WWOX: variants seen among roughly 807,000 people sequenced by gnomAD.
WWOX encodes the protein WW domain-containing oxidoreductase.
WWOX carries 69 observed loss-of-function variants against 46.2 expected under a neutral mutation model. The observed-to-expected ratio is 1.49, with a 90% confidence interval of 1.23 to 1.82. The LOEUF (loss-of-function observed/expected upper bound fraction) is 1.82, where lower values mean the gene tolerates loss of function less well. Ranked by LOEUF, WWOX falls within the 40% of genes most tolerant of loss-of-function variation. The pLI is 0.00. For synonymous variants in WWOX, 359 were observed against 202.6 expected (o/e 1.77, Z -6.56); for missense variants, 919 against 542.6 (o/e 1.69, Z -6.89).
chr16:78,612,469 G>A (rs2045924565), intron 8 of WWOX, among the ~76,000 whole-genome samples: 1 of 152,198 alleles, frequency 6.6e-6, no homozygotes, highest in African/African-American at 2.4e-5. Context: ...GGCACATGAT[G>A]TAGGTTTTTG....
intron 8 of WWOX, among the ~76,000 whole-genome samples, chr16:78,591,262 C>A (rs760588414): frequency 3.3e-5 from 5 of 152,136 alleles, no homozygotes; most frequent in African/African-American, 1.2e-4. Flanking sequence ...AACAAGGGAA[C>A]CTTTCCCCAA....
At chr16:78,969,966 T>G (rs1012176217) in intron 8 of WWOX, among the ~76,000 whole-genome samples, 2 of 152,174 alleles carry the variant, frequency 1.3e-5, no homozygotes, top group South Asian at 2.1e-4. Flanking sequence ...GTACTAAAAC[T>G]TTGAACACTT....
intron 8 of WWOX, among the ~76,000 whole-genome samples, chr16:78,850,674 C>G (rs189092590): frequency 1.1e-3 from 167 of 152,260 alleles, no homozygotes; most frequent in African/African-American, 3.8e-3. Flanking sequence ...GAGCCTCATC[C>G]AGGACCTACT....
chr16:78,726,699 T>G (rs1304292323), intron 8 of WWOX, among the ~76,000 whole-genome samples: 1 of 139,952 alleles, frequency 7.1e-6, no homozygotes, highest in East Asian at 2.0e-4. Context: ...GGTTAGTTGG[T>G]TGGTTGGTTT....
chr16:79,095,542 G>C (rs1288117497), intron 8 of WWOX, among the ~76,000 whole-genome samples: 1 of 152,144 alleles, frequency 6.6e-6, no homozygotes, highest in Non-Finnish European at 1.5e-5. Flanking sequence ...TGCAGGGTGA[G>C]GCGCGGGGGA....
chr16:79,180,520 C>G (rs558238017), intron 8 of WWOX, among the ~76,000 whole-genome samples: 3 of 152,122 alleles, frequency 2.0e-5, no homozygotes, highest in Non-Finnish European at 4.4e-5. Flanking sequence ...CTTGTGGACC[C>G]TCAAATGTGG....
At chr16:78,192,195 A>T (rs2035902943) in intron 5 of WWOX, among the ~76,000 whole-genome samples, 1 of 152,178 alleles carries the variant, frequency 6.6e-6, no homozygotes, top group Admixed American at 6.5e-5. Context: ...AGTTGAAATT[A>T]TTAAAAAAGA....
chr16:78,331,795 T>C (rs931612996), intron 5 of WWOX, among the ~76,000 whole-genome samples: 3 of 152,096 alleles, frequency 2.0e-5, no homozygotes, highest in Admixed American at 6.6e-5. Context: ...GTGCCTGCTT[T>C]GTGGCATATG....
At chr16:78,175,118 T>G (rs2035297424) in intron 5 of WWOX, among the ~76,000 whole-genome samples, 2 of 152,092 alleles carry the variant, frequency 1.3e-5, no homozygotes, top group Admixed American at 1.3e-4. Flanking sequence ...GAAAGGTGCC[T>G]ATCATGTCTT....
At chr16:78,944,109 G>T (rs562261180) in intron 8 of WWOX, among the ~76,000 whole-genome samples, 7 of 152,266 alleles carry the variant, frequency 4.6e-5, no homozygotes, top group South Asian at 2.1e-4. Context: ...TTGTTTGGGG[G>T]TTTTTTGCTG....
At chr16:78,174,758 C>T (rs992563982) in intron 5 of WWOX, among the ~76,000 whole-genome samples, 18 of 152,086 alleles carry the variant, frequency 1.2e-4, no homozygotes, top group Admixed American at 9.8e-4. Flanking sequence ...GAGGCCAAGG[C>T]GGGCGGATTG....
At chr16:78,591,583 A>G (rs923304645) in intron 8 of WWOX, among the ~76,000 whole-genome samples, 2 of 152,206 alleles carry the variant, frequency 1.3e-5, no homozygotes, top group African/African-American at 4.8e-5. Context: ...GATTTAGGTT[A>G]CCATCATTTA....
intron 5 of WWOX, among the ~76,000 whole-genome samples, chr16:78,373,054 A>G (rs2075880827): frequency 6.6e-6 from 1 of 152,136 alleles, no homozygotes; most frequent in Admixed American, 6.5e-5. Flanking sequence ...TCAACTCTGT[A>G]ATGTCCTAAC....
chr16:78,994,858 A>C (rs1269230387), intron 8 of WWOX, among the ~76,000 whole-genome samples: 1 of 151,814 alleles, frequency 6.6e-6, no homozygotes, highest in Non-Finnish European at 1.5e-5. Flanking sequence ...GGAGCTGTGA[A>C]GCCATTATTA....
chr16:78,521,239 T>C (rs1434971299), intron 8 of WWOX, among the ~76,000 whole-genome samples: 1 of 152,212 alleles, frequency 6.6e-6, no homozygotes, highest in Non-Finnish European at 1.5e-5. Context: ...TTAAAGTAAT[T>C]AGAGACGGGA....
intron 5 of WWOX, among the ~76,000 whole-genome samples, chr16:78,382,783 A>G (rs2081982750): frequency 6.6e-6 from 1 of 152,134 alleles, no homozygotes; most frequent in Admixed American, 6.5e-5. Context: ...CACATGATAA[A>G]ATGTCTTAGA....
chr16:78,312,899 C>G (rs1294959517), intron 5 of WWOX, among the ~76,000 whole-genome samples: 2 of 152,214 alleles, frequency 1.3e-5, no homozygotes, highest in African/African-American at 2.4e-5. Flanking sequence ...CTGCCTCTGT[C>G]TATGGGCATG....
At chr16:78,667,654 G>C (rs919869206) in intron 8 of WWOX, among the ~76,000 whole-genome samples, 2 of 121,934 alleles carry the variant, frequency 1.6e-5, no homozygotes, top group African/African-American at 3.4e-5. Flanking sequence ...CTGGGCGACA[G>C]AGTGAGACTC....
intron 8 of WWOX, among the ~76,000 whole-genome samples, chr16:78,610,433 T>G (rs1198719059): frequency 6.6e-6 from 1 of 152,222 alleles, no homozygotes; most frequent in Non-Finnish European, 1.5e-5. Context: ...CAAATCTGTC[T>G]TTGAACGAGG....
Sources: allele counts gnomAD v4.1 joint callset (sites outside exome capture counted in the v4.1 genomes callset), GRCh38; gene constraint gnomAD v4.1.1; transcripts MANE v1.5; gene names NCBI Gene and HGNC (gene_info 2026-07-23, HGNC 2026-07-21).